Variants in PHACTR2 observed in about 807,000 individuals in gnomAD.
PHACTR2 encodes the protein chromosome 6 open reading frame 56.
In PHACTR2, 30 loss-of-function variants were observed where a neutral mutation model predicts 76.0. That is an observed-to-expected ratio of 0.39 (90% CI 0.30 to 0.54). PHACTR2 has a LOEUF of 0.54. PHACTR2 is among the 20% of genes least tolerant of loss of function. The pLI, the probability that PHACTR2 is intolerant of heterozygous loss-of-function variation, is 0.61. For missense variants in PHACTR2, 696 were observed against 781.1 expected, an observed-to-expected ratio of 0.89 and a Z score of 1.30; for synonymous variants, 292 against 292.5, an observed-to-expected ratio of 1.00 and a Z score of 0.02.
intron 2 of PHACTR2, among the ~76,000 whole-genome samples, chr6:143,723,005 A>G (rs1778478449): frequency 6.6e-6 from 1 of 152,112 alleles, no homozygotes; most frequent in South Asian, 2.1e-4. Context: ...TATGTACTAC[A>G]TTTTCTTTAC....
chr6:143,788,852 C>A lies in PHACTR2; in HGVS notation c.1787C>A (p.Ser596Tyr). Residue 596 changes from serine (S) to tyrosine (Y), a missense_variant, in exon 11 of 13, where the codon TCT (serine) becomes TAT (tyrosine). Around this residue, in one of 2 missense-constraint regions of PHACTR2, gnomAD observed 236 missense variants for 330.2 expected, o/e 0.71. Transcript: ENST00000440869. ...AACGAGTATGTAGAAGTCACGGATTCTCCTGACTATGACCGCCGAGCAGAC... is the reference window on the plus strand; with the variant it reads ...AACGAGTATGTAGAAGTCACGGATTATCCTGACTATGACCGCCGAGCAGAC... ...RFNEYVEVTD[S>Y]PDYDRRADKP... The A allele has an allele frequency of 6.2e-7, 1 of 1,613,544 alleles. No individual in the cohort carries two copies. The highest frequency in any genetic ancestry group is 8.5e-7 in the Non-Finnish European group (1 of 1,179,478).
chr6:143,772,127 G>A lies in PHACTR2; in HGVS notation c.1233-131G>A. 1.5e-6 allele frequency: 1 copy of A among 671,734 alleles called. No individual in the cohort carries two copies. The highest frequency in any genetic ancestry group is 2.7e-6 in the Non-Finnish European group (1 of 370,542). 41.6% of individuals were successfully genotyped at this position (671,734 alleles called of 1,614,324 possible). A position where few individuals can be genotyped will look rare whatever the true frequency, so the allele number is the denominator to read the frequency against. ...GTTTCATTTCAGTGACTTTAGCCTG[G>A]CCTATGTCAAGTGTCTGCTTTCCTC... On this transcript the variant is annotated intron_variant, in intron 6 of 12. Coordinates refer to ENST00000440869, the MANE Select transcript of PHACTR2 (RefSeq NM_001100164.2). The surrounding 1 kb of genome is among the most constrained non-coding windows in gnomAD (Gnocchi z 5.4).
rs992578768 is a variant in PHACTR2, at chr6:143,782,930, T to C, written c.1646-289T>C. On this transcript the variant is annotated intron_variant, in intron 9 of 12. Coordinates refer to ENST00000440869, the MANE Select transcript of PHACTR2 (RefSeq NM_001100164.2). The surrounding 1 kb of genome is among the most constrained non-coding windows in gnomAD (Gnocchi z 4.6). Reference sequence around the variant, plus strand: ...AGAATATGGGCACTCCTGTGGTTTTTTTAAGAATACAACAAGACATCAGGA... The same window carrying C: ...AGAATATGGGCACTCCTGTGGTTTTCTTAAGAATACAACAAGACATCAGGA... 6.6e-6 allele frequency among the ~76,000 whole-genome samples: 1 copy of C among 152,006 alleles called. No individual in the cohort carries two copies. Among genetic ancestry groups the C allele is most frequent in the African/African-American group, 2.4e-5 (1 of 41,382 alleles).
chr6:143,711,134 A>G (rs1190767364), intron 1 of PHACTR2: 1 of 454,110 alleles, frequency 2.2e-6, no homozygotes, highest in African/African-American at 2.0e-5. Flanking sequence ...CATCACCGCT[A>G]TACGTTCCCT....
Position 143,662,283 on chromosome 6 carries a change from A to G in PHACTR2, c.14-49733A>G, listed in dbSNP as rs985005831. Among the ~76,000 whole-genome samples the G allele has an allele frequency of 6.6e-6, 1 of 152,222 alleles. No homozygotes were observed. The highest frequency in any genetic ancestry group is 2.4e-5 in the African/African-American group (1 of 41,456). On this transcript the variant is annotated intron_variant, in intron 1 of 11. Transcript: ENST00000305766. This position sits in a 1 kb window ranked among gnomAD's most constrained non-coding sequence, Gnocchi z 4.7. ...CTTAGATTTAAGTTCTAATAAAACTAAGTGTGTTTTAGGAAATAACTTTAT... is the reference window on the plus strand; with the variant it reads ...CTTAGATTTAAGTTCTAATAAAACTGAGTGTGTTTTAGGAAATAACTTTAT...
intron 12 of PHACTR2, among the ~76,000 whole-genome samples, chr6:143,808,965 G>GA (rs1350251267): frequency 3.9e-5 from 6 of 152,198 alleles, no homozygotes; most frequent in African/African-American, 1.4e-4. Context: ...TTAAAAGGTG[G>GA]AATATTTTGA....
intron 1 of PHACTR2, among the ~76,000 whole-genome samples, chr6:143,638,576 TACACACAC>T (rs113707533): frequency 8.8e-5 from 13 of 146,906 alleles, no homozygotes; most frequent in African/African-American, 2.8e-4. Context: ...CACACACACA[TACACACAC>T]ACACACACAC....
At chr6:143,622,738 T>C (rs1252661476) in intron 1 of PHACTR2, among the ~76,000 whole-genome samples, 2 of 152,140 alleles carry the variant, frequency 1.3e-5, no homozygotes, top group African/African-American at 2.4e-5. Context: ...GATTTTTTTG[T>C]GTGTGTGTTT....
chr6:143,744,105 A>G (rs145593735), intron 2 of PHACTR2, among the ~76,000 whole-genome samples: 1 of 152,336 alleles, frequency 6.6e-6, no homozygotes, highest in East Asian at 1.9e-4. Flanking sequence ...TTTGTCGTCT[A>G]CAGACTGTGA....
At chr6:143,613,795 C>G (rs1216782239) in intron 1 of PHACTR2, among the ~76,000 whole-genome samples, 1 of 152,170 alleles carries the variant, frequency 6.6e-6, no homozygotes, top group Non-Finnish European at 1.5e-5. Context: ...CTAAATTATA[C>G]GCCATTCCAT....
At chr6:143,635,414 T>C (rs1776434319) in intron 1 of PHACTR2, among the ~76,000 whole-genome samples, 1 of 152,134 alleles carries the variant, frequency 6.6e-6, no homozygotes, top group Admixed American at 6.6e-5. Context: ...CTTAAATAAA[T>C]GTAGGACAAA....
chr6:143,712,213 G>T, intron 2 of PHACTR2, 30 bp downstream of exon 2: 1 of 1,337,014 alleles, frequency 7.5e-7, no homozygotes, highest in Admixed American at 2.9e-5. Flanking sequence ...TTAGAAGATG[G>T]GATAAATTGT....
At position 143,823,778 on chromosome 6, in the gene PHACTR2, A is replaced by C; in HGVS notation, c.*89A>C. 9.4e-7 allele frequency: 1 copy of C among 1,059,686 alleles called. No homozygotes were observed. The highest frequency in any genetic ancestry group is 1.5e-6 in the Non-Finnish European group (1 of 677,380). The allele number at this position is 1,059,686 out of a possible 1,614,324, so 65.6% of individuals were successfully genotyped here. ...AACCTGATATTGCACTGGGATTTGA[A>C]TGTGTGTGTTTCCGTTTAACTTGTG... On this transcript the variant is annotated 3_prime_UTR_variant, in exon 13 of 13. Transcript: ENST00000440869. This position sits in a 1 kb window ranked among gnomAD's most constrained non-coding sequence, Gnocchi z 5.7.
At chr6:143,629,008 T>C (rs1776313734) in intron 1 of PHACTR2, among the ~76,000 whole-genome samples, 1 of 139,640 alleles carries the variant, frequency 7.2e-6, no homozygotes, top group Non-Finnish European at 1.5e-5. Context: ...AGAGATGGCC[T>C]TATTCAACTC....
Position 143,733,116 on chromosome 6 carries a change from T to C in PHACTR2, c.215-15869T>C, listed in dbSNP as rs890834078. Among the ~76,000 whole-genome samples the C allele has an allele frequency of 2.6e-5, 4 of 152,060 alleles. No individual in the cohort carries two copies. Among genetic ancestry groups the C allele is most frequent in the Non-Finnish European group, 5.9e-5 (4 of 67,970 alleles). On this transcript the variant is annotated intron_variant, in intron 2 of 12. Transcript: ENST00000440869. The surrounding 1 kb of genome is among the most constrained non-coding windows in gnomAD (Gnocchi z 4.0). ...GGCTTGCTCAGCTGCCCAGGCTGGG[T>C]GTCCAACTGGCTTCAAGTGATTGTC...
At chr6:143,601,531 C>G (rs1049937009) in intron 1 of PHACTR2, among the ~76,000 whole-genome samples, 1 of 152,200 alleles carries the variant, frequency 6.6e-6, no homozygotes, top group African/African-American at 2.4e-5. Context: ...CCTAAGCACT[C>G]TTGGGTTAAC....
intron 6 of PHACTR2, among the ~76,000 whole-genome samples, chr6:143,771,217 T>C (rs1319753044): frequency 6.4e-5 from 7 of 109,100 alleles, no homozygotes; most frequent in African/African-American, 2.3e-4. Context: ...TATATATATA[T>C]ATATATATAT....
In PHACTR2 at chr6:143,765,826, T is replaced by C; in HGVS notation, c.1232+28T>C. 6.4e-7 allele frequency: 1 copy of C among 1,563,916 alleles called. No individual in the cohort carries two copies. Among genetic ancestry groups the C allele is most frequent in the Non-Finnish European group, 8.7e-7 (1 of 1,144,116 alleles). On this transcript the variant is annotated intron_variant, in intron 6 of 12. Transcript: ENST00000440869. This position sits in a 1 kb window ranked among gnomAD's most constrained non-coding sequence, Gnocchi z 4.1. ...GAGTTGGGGAACAAACCCCCTATTT[T>C]ATCTGAGAACTAAAGATCACTAATA...
At chr6:143,718,883 T>G (rs1016852698) in intron 2 of PHACTR2, among the ~76,000 whole-genome samples, 23 of 146,886 alleles carry the variant, frequency 1.6e-4, no homozygotes, top group Non-Finnish European at 2.6e-4. Flanking sequence ...GTGTTTTTTT[T>G]TTTTTTTTTT....
Sources: allele counts gnomAD v4.1 joint callset (sites outside exome capture counted in the v4.1 genomes callset), GRCh38; gene constraint gnomAD v4.1.1; regional missense constraint gnomAD v4.1.1; non-coding constraint Gnocchi (gnomAD v3.1); transcripts MANE v1.5; gene names NCBI Gene and HGNC (gene_info 2026-07-23, HGNC 2026-07-21).